Variants in LIPA observed in about 807,000 individuals in gnomAD.
LIPA encodes the protein lipase A, lysosomal acid type, also known as lysosomal acid lipase/cholesteryl ester hydrolase.
LIPA carries 26 observed loss-of-function variants against 40.6 expected under a neutral mutation model. That is an observed-to-expected ratio of 0.64 (90% CI 0.47 to 0.89). The LOEUF is 0.89. Ranked by LOEUF, LIPA falls within the 40% of genes least tolerant of loss-of-function variation. The pLI is 0.00. For synonymous variants in LIPA, 188 were observed against 168.4 expected (o/e 1.12, Z -0.90); for missense variants, 455 against 479.6 (o/e 0.95, Z 0.48).
intron 1 of LIPA, among the ~76,000 whole-genome samples, chr10:89,326,147 T>C (rs973065580): frequency 3.9e-5 from 6 of 152,242 alleles, no homozygotes; most frequent in Non-Finnish European, 8.8e-5. Flanking sequence ...CCCATGTTTA[T>C]TGCAGCACTA....
chr10:89,355,110 G>A (rs1843982352), intron 2 of LIPA, among the ~76,000 whole-genome samples: 1 of 152,220 alleles, frequency 6.6e-6, no homozygotes, highest in African/African-American at 2.4e-5. Context: ...GTTGTTATTT[G>A]CAGGAGTAAT....
intron 8 of LIPA, among the ~76,000 whole-genome samples, chr10:89,216,597 TAA>T (rs1053755211): frequency 6.6e-6 from 1 of 152,146 alleles, no homozygotes; most frequent in African/African-American, 2.4e-5. Flanking sequence ...ATACAAATTT[TAA>T]AACAGTGTAA....
chr10:89,216,158 G>A (rs2133413969), intron 8 of LIPA, 149 bp from the exon 9 acceptor site: 1 of 681,296 alleles, frequency 1.5e-6, no homozygotes, highest in Non-Finnish European at 2.7e-6. Context: ...TTTTAAATGA[G>A]ATGGCATGGT....
chr10:89,299,322 A>T (rs1009288608), intron 1 of LIPA, among the ~76,000 whole-genome samples: 1 of 152,126 alleles, frequency 6.6e-6, no homozygotes, highest in Non-Finnish European at 1.5e-5. Flanking sequence ...AAAAGAATTA[A>T]AAAGTATGAA....
At chr10:89,299,211 C>T (rs976812658) in intron 1 of LIPA, among the ~76,000 whole-genome samples, 15 of 151,092 alleles carry the variant, frequency 9.9e-5, no homozygotes, top group African/African-American at 3.6e-4. Flanking sequence ...ACAAAATATA[C>T]AAGAAGCTTC....
At chr10:89,285,696 G>A (rs1272101568) in intron 1 of LIPA, among the ~76,000 whole-genome samples, 1 of 151,342 alleles carries the variant, frequency 6.6e-6, no homozygotes, top group Non-Finnish European at 1.5e-5. Context: ...CCACTTTCCT[G>A]GGGGGCAAGG....
intron 1 of LIPA, chr10:89,307,316 G>A: frequency 2.5e-6 from 4 of 1,613,654 alleles, no homozygotes; most frequent in Non-Finnish European, 3.4e-6. Context: ...TGAAGACTCT[G>A]AGAGGGGTTT....
intron 2 of LIPA, among the ~76,000 whole-genome samples, chr10:89,390,229 G>A (rs941673159): frequency 6.6e-6 from 1 of 152,034 alleles, no homozygotes; most frequent in South Asian, 2.1e-4. Flanking sequence ...CAGGTGATCC[G>A]CCCGTCTTGT....
At chr10:89,231,953 T>G (rs1356187184) in intron 3 of LIPA, among the ~76,000 whole-genome samples, 3 of 152,114 alleles carry the variant, frequency 2.0e-5, no homozygotes, top group Non-Finnish European at 2.9e-5. Flanking sequence ...CTACGAAAAA[T>G]GTAAGTGGAA....
chr10:89,402,884 G>T, intron 2 of LIPA: 1 of 1,614,170 alleles, frequency 6.2e-7, no homozygotes, highest in Non-Finnish European at 8.5e-7. Context: ...CATTTTCTTT[G>T]CTTCCCCTAA....
exon 2 of LIPA, chr10:89,412,792 A>G (rs1187088309): frequency 4.8e-6 from 2 of 417,168 alleles, no homozygotes; most frequent in East Asian, 1.9e-4. Context: ...CGAACTCACC[A>G]GAAGGAAGAA....
intron 1 of LIPA, among the ~76,000 whole-genome samples, chr10:89,319,711 ATG>A (rs1385076958): frequency 2.0e-5 from 3 of 152,370 alleles, no homozygotes; most frequent in African/African-American, 7.2e-5. Flanking sequence ...AACTCATTTG[ATG>A]TGGCCAGCAT....
chr10:89,402,281 T>C (rs774440279), intron 2 of LIPA: 4 of 1,600,804 alleles, frequency 2.5e-6, no homozygotes, highest in Non-Finnish European at 1.7e-6. Context: ...GTTTTTACAG[T>C]ACAAATGGTG....
At chr10:89,414,402 C>A in intron 1 of LIPA, 1 of 202,492 alleles carries the variant, frequency 4.9e-6, no homozygotes, top group Non-Finnish European at 9.9e-6. Context: ...GCGAACTCAG[C>A]GTACTCAGGG....
intron 8 of LIPA, among the ~76,000 whole-genome samples, chr10:89,220,569 T>C (rs1842685523): frequency 6.6e-6 from 1 of 152,208 alleles, no homozygotes; most frequent in Admixed American, 6.5e-5. Context: ...GGTAAGCATG[T>C]GCTGTTCAGC....
chr10:89,290,299 C>T (rs554232385), intron 1 of LIPA, among the ~76,000 whole-genome samples: 7 of 152,236 alleles, frequency 4.6e-5, no homozygotes, highest in Admixed American at 4.6e-4. Flanking sequence ...ACCAATCATC[C>T]TATACAACAA....
At chr10:89,251,826 T>C (rs555009217), upstream of LIPA, 1 of 152,500 alleles carries the variant, frequency 6.6e-6, no homozygotes, top group South Asian at 2.1e-4. Context: ...GGGGGCCTGG[T>C]CTGCCTTGTC....
At chr10:89,241,961 TGA>T (rs1419230930) in intron 3 of LIPA, among the ~76,000 whole-genome samples, 1 of 152,198 alleles carries the variant, frequency 6.6e-6, no homozygotes, top group Non-Finnish European at 1.5e-5. Context: ...TTTCCCTATT[TGA>T]ACCTGGCTGT....
At chr10:89,316,065 C>A (rs533112280) in intron 1 of LIPA, among the ~76,000 whole-genome samples, 6 of 152,172 alleles carry the variant, frequency 3.9e-5, no homozygotes, top group African/African-American at 1.4e-4. Flanking sequence ...ACATCAGAAT[C>A]TCCTAGAGAC....
Sources: allele counts gnomAD v4.1 joint callset (sites outside exome capture counted in the v4.1 genomes callset), GRCh38; gene constraint gnomAD v4.1.1; transcripts MANE v1.5; gene names NCBI Gene and HGNC (gene_info 2026-07-23, HGNC 2026-07-21).